Variants in DGKQ observed in about 807,000 individuals in gnomAD.
The protein encoded by DGKQ is DAG kinase theta.
DGKQ carries 97 observed loss-of-function variants against 104.2 expected under a neutral mutation model. The observed-to-expected ratio is 0.93, with a 90% CI of 0.79 to 1.10. DGKQ has a LOEUF of 1.10. Ranked by LOEUF, DGKQ falls within the 50% of genes least tolerant of loss-of-function variation. DGKQ has a pLI of 0.00. For missense variants in DGKQ, 1,465 were observed against 1,352.1 expected, an observed-to-expected ratio of 1.08 and a Z score of -1.31; for synonymous variants, 736 against 595.2, an observed-to-expected ratio of 1.24 and a Z score of -3.44.
rs1022537013 is a variant in DGKQ at position 962,579 on chromosome 4, C to T, written c.2070G>A (p.Ala690=). 5 of 1,609,278 alleles carry T rather than the reference C, an allele frequency of 3.1e-6. No homozygotes were observed. Among genetic ancestry groups the T allele is most frequent in the Non-Finnish European group, 2.5e-6 (3 of 1,179,906 alleles). ...AGAACGGGTCCTCGCCGCTGTAGCC[C>T]GCCCCCCAGCGGAGGACTCGACCAA... ...NDLGRVLRWG[A]GYSGEDPFSV... The change falls in exon 18 of 23, where the codon GCG becomes GCA. Residue 690 remains alanine, a synonymous_variant. Coordinates refer to ENST00000273814, the MANE Select transcript of DGKQ (RefSeq NM_001347.4).
Position 960,660 on chromosome 4 carries a change from C to G in DGKQ, c.2789G>C (p.Arg930Pro). 6.2e-7 allele frequency: 1 copy of G among 1,612,312 alleles called. No homozygotes were observed. The highest frequency in any genetic ancestry group is 8.5e-7 in the Non-Finnish European group (1 of 1,179,826). ...PRRAGTTRDA[R>P]ADAAPAPESD... ...CTCAGGGGCAGGCGCAGCATCCGCC[C>G]GGGCATCCCTGGTGGTCCCGGCCCT... The change falls in exon 23 of 23, where the codon CGG becomes CCG. Residue 930 changes from arginine (R) to proline (P), a missense_variant. Arg to Pro is a moderately radical substitution (Grantham distance 103, BLOSUM62 -2). Coordinates refer to ENST00000273814, the MANE Select transcript of DGKQ (RefSeq NM_001347.4).
chr4:962,120 C>A, intron 18 of DGKQ, 38 bp from the exon 19 acceptor site: 3 of 1,552,526 alleles, frequency 1.9e-6, no homozygotes, highest in South Asian at 1.1e-5. Context: ...ACCCGGCCGC[C>A]CTCACCAGGC....
At position 968,572 on chromosome 4, in the gene DGKQ, G is replaced by C; in HGVS notation, c.452-8C>G. On this transcript the variant is annotated splice_polypyrimidine_tract_variant and splice_region_variant and intron_variant, in intron 3 of 22. Transcript: ENST00000273814. ...GGAGGTGCAGCTCACACACTGGGGGGCAGGCAGGGTTAGAGGTGTCTGCCG... is the reference window on the plus strand; with the variant it reads ...GGAGGTGCAGCTCACACACTGGGGGCCAGGCAGGGTTAGAGGTGTCTGCCG... 6.2e-7 allele frequency: 1 copy of C among 1,603,636 alleles called. No individual in the cohort carries two copies. The highest frequency in any genetic ancestry group is 8.5e-7 in the Non-Finnish European group (1 of 1,175,416).
chr4:965,566 G>T, intron 13 of DGKQ, 37 bp from the exon 14 acceptor site: 1 of 1,607,154 alleles, frequency 6.2e-7, no homozygotes, highest in South Asian at 1.1e-5. Flanking sequence ...GGTGGGAGGC[G>T]AAGGACACAC....
chr4:966,543 C>G lies in DGKQ; in HGVS notation c.1367-16G>C, dbSNP rs11248059. 182,677 of 1,608,148 alleles carry G rather than the reference C, an allele frequency of 0.11. 11,650 individuals are homozygous for G. Among genetic ancestry groups the G allele is most frequent in the South Asian group, 0.21 (18,763 of 90,738 alleles). ...GTCCGCTGGACTGCAGAGGTGAGGGCACAGGCCGTCAGCACCCGGCTCCTC... is the reference window on the plus strand; with the variant it reads ...GTCCGCTGGACTGCAGAGGTGAGGGGACAGGCCGTCAGCACCCGGCTCCTC... On this transcript the variant is annotated splice_polypyrimidine_tract_variant and intron_variant, in intron 11 of 22. Coordinates refer to ENST00000273814, the MANE Select transcript of DGKQ (RefSeq NM_001347.4).
Position 962,094 on chromosome 4 carries a change from G to C in DGKQ, c.2215-12C>G, listed in dbSNP as rs375662322. The C allele has an allele frequency of 7.5e-6, 12 of 1,606,930 alleles. No homozygotes were observed. The highest frequency in any genetic ancestry group is 8.5e-7 in the Non-Finnish European group (1 of 1,178,016). The stretch of plus-strand genomic sequence containing the variant: ...CTCATCTGCACGATCTGGGGACAGG[G>C]CGTTCATCTCCCAGGACCCGGCCGC... On this transcript the variant is annotated splice_polypyrimidine_tract_variant and intron_variant, in intron 18 of 22. Transcript: ENST00000273814.
chr4:969,679 G>A (rs1324981244), intron 2 of DGKQ, among the ~76,000 whole-genome samples: 4 of 149,210 alleles, frequency 2.7e-5, no homozygotes, highest in Admixed American at 6.8e-5. Context: ...GCGTGATCTC[G>A]GCTCACTGCA....
At chr4:966,723 C>T (rs779213735) in intron 11 of DGKQ, 25 bp downstream of exon 11, 45 of 1,598,418 alleles carry the variant, frequency 2.8e-5, no homozygotes, top group South Asian at 1.7e-4. Context: ...GGGACCGCCA[C>T]GCCCAGCACG....
Position 973,424 on chromosome 4 carries a change from G to A in DGKQ, c.59C>T (p.Pro20Leu), listed in dbSNP as rs1713101601. The A allele has an allele frequency of 1.0e-6, 1 of 994,388 alleles. No individual in the cohort carries two copies. Among genetic ancestry groups the A allele is most frequent in the South Asian group, 4.6e-5 (1 of 21,832 alleles). 61.6% of individuals were successfully genotyped at this position (994,388 alleles called of 1,614,324 possible). A position where few individuals can be genotyped will look rare whatever the true frequency, so the allele number is the denominator to read the frequency against. Residue 20 changes from proline to leucine, a missense_variant, in exon 1 of 23, where the codon CCC (proline) becomes CTC (leucine). Pro to Leu is a moderately conservative substitution (Grantham distance 98). Coordinates refer to ENST00000273814, the MANE Select transcript of DGKQ (RefSeq NM_001347.4). ...RAWLGGGSPR[P>L]GSPACSPVLG... ...CACGGGGCTGCAGGCCGGGCTGCCG[G>A]GGCGCGGGGAGCCGCCGCCCAGCCA...
At position 965,412 on chromosome 4, in the gene DGKQ, C is replaced by T. The variant is rs529680963; in HGVS notation, c.1618+79G>A. ...TGCCCAAGGGAAAGGTCAGGTGCTACGTGAGGGCCAGGGCTGTCCCACTTC... is the reference window on the plus strand; with the variant it reads ...TGCCCAAGGGAAAGGTCAGGTGCTATGTGAGGGCCAGGGCTGTCCCACTTC... On this transcript the variant is annotated intron_variant, in intron 14 of 22. Coordinates refer to ENST00000273814, the MANE Select transcript of DGKQ (RefSeq NM_001347.4). 37 of 1,555,714 alleles carry T rather than the reference C, an allele frequency of 2.4e-5. No homozygotes were observed. The South Asian group carries it at 2.5e-4, about 11-fold the overall frequency.
At chr4:966,432 G>A (rs371400837) in intron 12 of DGKQ, 34 bp downstream of exon 12, 27 of 1,606,872 alleles carry the variant, frequency 1.7e-5, no homozygotes, top group Middle Eastern at 1.7e-4. Context: ...GAGGGCTGCT[G>A]GTTCCCTGGG....
At chr4:960,999 C>T (rs777645203) in intron 22 of DGKQ, 50 bp downstream of exon 22, 159 of 1,598,726 alleles carry the variant, frequency 9.9e-5, no homozygotes, top group South Asian at 3.6e-4. Flanking sequence ...CTCCCATGGC[C>T]GGCCCAGCCC....
At chr4:963,809 C>G (rs1218008178) in intron 15 of DGKQ, among the ~76,000 whole-genome samples, 2 of 152,222 alleles carry the variant, frequency 1.3e-5, no homozygotes, top group Non-Finnish European at 2.9e-5. Flanking sequence ...AGTCCATCTC[C>G]CCACACACAA....
Position 971,156 on chromosome 4 carries a change from G to T in DGKQ, c.272-84C>A. On this transcript the variant is annotated intron_variant, in intron 1 of 22. Coordinates refer to ENST00000273814, the MANE Select transcript of DGKQ (RefSeq NM_001347.4). This position sits in a 1 kb window ranked among gnomAD's most constrained non-coding sequence, Gnocchi z 4.0. ...AGGAAGTTAGAGGCCCCAGGGCAATGACTGCCATACCCACCATGCTGCACC... is the reference window on the plus strand; with the variant it reads ...AGGAAGTTAGAGGCCCCAGGGCAATTACTGCCATACCCACCATGCTGCACC... 1 of 999,226 alleles carries T rather than the reference G, an allele frequency of 1.0e-6. No individual in the cohort carries two copies. The highest frequency in any genetic ancestry group is 1.5e-6 in the Non-Finnish European group (1 of 653,874). The allele number at this position is 999,226 out of a possible 1,614,324, so 61.9% of individuals were successfully genotyped here. A position where few individuals can be genotyped will look rare whatever the true frequency, so the allele number is the denominator to read the frequency against.
intron 1 of DGKQ, 32 bp downstream of exon 1, chr4:973,180 C>A: frequency 6.6e-7 from 1 of 1,509,892 alleles, no homozygotes; most frequent in African/African-American, 1.5e-5. Flanking sequence ...GGCAGGGCTG[C>A]AGCCGGGTAG....
chr4:960,936 G>C (rs1045580203), intron 22 of DGKQ, 113 bp downstream of exon 22: 1 of 1,529,550 alleles, frequency 6.5e-7, no homozygotes, highest in African/African-American at 1.4e-5. Context: ...CCCGGAGTCA[G>C]TGCTCCCTGG....
In DGKQ at chr4:960,401, C is replaced by A. The variant is rs1352467514; in HGVS notation, c.*219G>T. On this transcript the variant is annotated 3_prime_UTR_variant, in exon 23 of 23. Transcript: ENST00000273814. Reference sequence around the variant, plus strand: ...CGGGGTAACACTGCCACCCGCACACCAGTCTCCAGTGGGATGAGGGCTGTG... The same window carrying A: ...CGGGGTAACACTGCCACCCGCACACAAGTCTCCAGTGGGATGAGGGCTGTG... The A allele has an allele frequency of 1.0e-5, 6 of 587,274 alleles. No homozygotes were observed. In the African/African-American group the frequency reaches 1.1e-4, roughly 11 times the overall value. The allele number at this position is 587,274 out of a possible 1,614,324, so 36.4% of individuals were successfully genotyped here.
intron 2 of DGKQ, among the ~76,000 whole-genome samples, chr4:970,374 G>GCTGTCACCA (rs1199869473): frequency 6.6e-6 from 1 of 152,216 alleles, no homozygotes; most frequent in Non-Finnish European, 1.5e-5. Flanking sequence ...ACATGTCCCT[G>GCTGTCACCA]CTGTCACCAC....
At chr4:968,733 C>T in intron 3 of DGKQ, 78 bp downstream of exon 3, 1 of 1,429,026 alleles carries the variant, frequency 7.0e-7, no homozygotes, top group Non-Finnish European at 9.6e-7. Flanking sequence ...TGACAAGCTG[C>T]ACAGCAGGGG....
Sources: allele counts gnomAD v4.1 joint callset (sites outside exome capture counted in the v4.1 genomes callset), GRCh38; gene constraint gnomAD v4.1.1; non-coding constraint Gnocchi (gnomAD v3.1); transcripts MANE v1.5; gene names NCBI Gene and HGNC (gene_info 2026-07-23, HGNC 2026-07-21).